RANBP10: variants seen among roughly 807,000 people sequenced by gnomAD.
RANBP10 encodes the protein RAN binding protein 10.
In RANBP10, 24 loss-of-function variants were observed where a neutral mutation model predicts 72.8. The ratio of observed to expected loss-of-function variants is 0.33; its 90% CI spans 0.24 to 0.46. The LOEUF (loss-of-function observed/expected upper bound fraction) is 0.46. Ranked by LOEUF, RANBP10 falls within the 20% of genes least tolerant of loss-of-function variation. The pLI, the probability that RANBP10 is intolerant of heterozygous loss-of-function variation, is 1.00. For missense variants in RANBP10, 679 were observed against 817.5 expected (o/e 0.83, Z 2.07); for synonymous variants, 310 against 322.3 (o/e 0.96, Z 0.41).
intron 3 of RANBP10, among the ~76,000 whole-genome samples, chr16:67,765,325 G>A (rs1044505249): frequency 1.3e-5 from 2 of 151,476 alleles, no homozygotes; most frequent in Non-Finnish European, 2.9e-5. Flanking sequence ...CTGGGAGTTC[G>A]AGACCAGCCT....
chr16:67,729,771 G>C lies in RANBP10; in HGVS notation c.1056C>G (p.Ser352Arg). The change falls in exon 9 of 14, where the codon AGC becomes AGG. Residue 352 changes from serine (S) to arginine (R), a missense_variant. Transcript: ENST00000317506. This position sits in a 1 kb window ranked among gnomAD's most constrained non-coding sequence, Gnocchi z 7.1. Reference protein sequence around the residue: ...NGTDSEVRSLSSRSPKSQDSY... With the variant: ...NGTDSEVRSLRSRSPKSQDSY... ...TGTCCTGGGACTTGGGGCTTCGGGAGCTCAAACTTCGGACCTCACTGTCCG... is the reference window on the plus strand; with the variant it reads ...TGTCCTGGGACTTGGGGCTTCGGGACCTCAAACTTCGGACCTCACTGTCCG... 1 of 1,614,140 alleles carries C rather than the reference G, an allele frequency of 6.2e-7. No individual in the cohort carries two copies. The highest frequency in any genetic ancestry group is 8.5e-7 in the Non-Finnish European group (1 of 1,180,026).
chr16:67,750,472 C>T (rs2054172315), intron 3 of RANBP10, among the ~76,000 whole-genome samples: 1 of 152,234 alleles, frequency 6.6e-6, no homozygotes, highest in Non-Finnish European at 1.5e-5. Context: ...TCACCAGTCA[C>T]TGTTCCCGGG....
At chr16:67,748,744 G>C (rs1488337961) in intron 3 of RANBP10, among the ~76,000 whole-genome samples, 3 of 152,186 alleles carry the variant, frequency 2.0e-5, no homozygotes, top group Admixed American at 6.5e-5. Flanking sequence ...GGGCAGGAGT[G>C]GTGGAGCTGC....
intron 4 of RANBP10, among the ~76,000 whole-genome samples, chr16:67,739,493 C>A (rs2053924281): frequency 6.6e-6 from 1 of 152,146 alleles, no homozygotes; most frequent in Non-Finnish European, 1.5e-5. Context: ...TATCTCCAGT[C>A]CATACGCAGT....
At chr16:67,747,897 G>A (rs1174545389) in intron 3 of RANBP10, among the ~76,000 whole-genome samples, 4 of 147,442 alleles carry the variant, frequency 2.7e-5, no homozygotes, top group African/African-American at 5.0e-5. Flanking sequence ...CTCGGCTCAC[G>A]GCAAGCTCCG....
intron 2 of RANBP10, among the ~76,000 whole-genome samples, chr16:67,798,200 A>C (rs1381737317): frequency 6.6e-6 from 1 of 152,058 alleles, no homozygotes; most frequent in African/African-American, 2.4e-5. Context: ...GGGGGGCAGT[A>C]AGGGAAAATG....
chr16:67,729,998 G>T lies in RANBP10; in HGVS notation c.938C>A (p.Thr313Asn). 1 of 1,613,616 alleles carries T rather than the reference G, an allele frequency of 6.2e-7. No individual in the cohort carries two copies. Among genetic ancestry groups the T allele is most frequent in the Non-Finnish European group, 8.5e-7 (1 of 1,180,036 alleles). Residue 313 changes from threonine to asparagine, a missense_variant, in exon 8 of 14, where the codon ACC (threonine) becomes AAC (asparagine). Physicochemically the swap from Thr to Asn is moderately conservative, Grantham distance 65. Coordinates refer to ENST00000317506, the MANE Select transcript of RANBP10 (RefSeq NM_020850.3). This position sits in a 1 kb window ranked among gnomAD's most constrained non-coding sequence, Gnocchi z 7.1. The stretch of plus-strand genomic sequence containing the variant: ...CAGCCCTGGGTAGAAGCGCTGGGTG[G>T]TCTCGATGGCCTCGCCCACACGGCC... ...LEGRVGEAIE[T>N]TQRFYPGLLE...
intron 3 of RANBP10, among the ~76,000 whole-genome samples, chr16:67,745,083 G>A (rs998620430): frequency 1.1e-4 from 16 of 151,930 alleles, no homozygotes; most frequent in Non-Finnish European, 1.6e-4. Context: ...GCCCGCCTCA[G>A]CCTCCCAAAG....
intron 3 of RANBP10, among the ~76,000 whole-genome samples, chr16:67,750,568 T>A (rs2054174406): frequency 6.6e-6 from 1 of 152,272 alleles, no homozygotes; most frequent in East Asian, 1.9e-4. Context: ...GTGCCCAGCA[T>A]GTCAGGAGTC....
rs1299781095 is a variant in RANBP10 at position 67,725,425 on chromosome 16, G to A, written c.*1003C>T. On this transcript the variant is annotated 3_prime_UTR_variant, in exon 14 of 14. Transcript: ENST00000317506. The stretch of plus-strand genomic sequence containing the variant: ...TGGGAATGGAGTCTTCTTTCCAGCA[G>A]CCTGACACACAGAAGCTCTCAGGAC... 6 of 152,660 alleles carry A rather than the reference G, an allele frequency of 3.9e-5. No individual in the cohort carries two copies. In the East Asian group the frequency reaches 1.2e-3, roughly 29 times the overall value. The allele number at this position is 152,660 out of a possible 1,614,324, so 9.5% of individuals were successfully genotyped here. A position where few individuals can be genotyped will look rare whatever the true frequency, so the allele number is the denominator to read the frequency against.
chr16:67,727,346 G>A lies in RANBP10; in HGVS notation c.1713C>T (p.Ala571=). 6.2e-7 allele frequency: 1 copy of A among 1,613,116 alleles called. No individual in the cohort carries two copies. Among genetic ancestry groups the A allele is most frequent in the South Asian group, 1.1e-5 (1 of 91,040 alleles). ...ACTCACCTAAAATGGCGCTGTTGAG[G>A]GCAGCACACACAGGTTCCCTCTGGA... ...DPIQREPVCA[A]LNSAILESQN... Residue 571 remains alanine, a synonymous_variant, in exon 13 of 14, where the codon GCC becomes GCT. Coordinates refer to ENST00000317506, the MANE Select transcript of RANBP10 (RefSeq NM_020850.3).
In RANBP10 at chr16:67,770,797, G is replaced by T. The variant is rs2054594131; in HGVS notation, c.400+1237C>A. On this transcript the variant is annotated intron_variant, in intron 3 of 13. Coordinates refer to ENST00000317506, the MANE Select transcript of RANBP10 (RefSeq NM_020850.3). ...TAGCACATGCCTATAAATTAGCCAG[G>T]TGTGGTAGCACATGCCTATAATCCC... 8.5e-5 allele frequency among the ~76,000 whole-genome samples: 13 copies of T among 152,278 alleles called. No individual in the cohort carries two copies. The South Asian group carries it at 2.7e-3, about 32-fold the overall frequency.
At position 67,725,800 on chromosome 16, in the gene RANBP10, T is replaced by C. The variant is rs1359331450; in HGVS notation, c.*628A>G. On this transcript the variant is annotated 3_prime_UTR_variant, in exon 14 of 14. Transcript: ENST00000317506. ...GTTTCCTAGGCTGCAGCTCGGCCTG[T>C]GACTCAAAAAAGGGGGAGCAAAAAA... The C allele has an allele frequency of 6.6e-6, 1 of 152,382 alleles. No homozygotes were observed. Among genetic ancestry groups the C allele is most frequent in the Admixed American group, 6.6e-5 (1 of 15,260 alleles). The allele number at this position is 152,382 out of a possible 1,614,324, so 9.4% of individuals were successfully genotyped here.
intron 2 of RANBP10, among the ~76,000 whole-genome samples, chr16:67,781,781 G>A (rs2054816214): frequency 1.3e-5 from 2 of 152,194 alleles, no homozygotes; most frequent in African/African-American, 4.8e-5. Flanking sequence ...TAGCTCAAGA[G>A]AGAAGAGGGC....
rs145949544 is a variant in RANBP10 at position 67,727,815 on chromosome 16, T to C, written c.1556A>G (p.Gln519Arg). ...ERIILFGRELQALSEQLGREY... is the reference protein window; with the variant it reads ...ERIILFGRELRALSEQLGREY... The stretch of plus-strand genomic sequence containing the variant: ...CCGGCCCAACTGCTCACTCAATGCC[T>C]GCAACTCGCGGCCAAACAGAATGAT... Residue 519 changes from glutamine (Q) to arginine (R), a missense_variant, in exon 12 of 14, where the codon CAG (glutamine) becomes CGG (arginine). Gln to Arg is a conservative substitution (Grantham distance 43). Transcript: ENST00000317506. The C allele has an allele frequency of 1.2e-6, 2 of 1,614,194 alleles. No homozygotes were observed. The highest frequency in any genetic ancestry group is 1.7e-6 in the Non-Finnish European group (2 of 1,180,046).
Position 67,786,626 on chromosome 16 carries a change from G to C in RANBP10, c.348-14540C>G, listed in dbSNP as rs577514457. Among the ~76,000 whole-genome samples the C allele has an allele frequency of 6.3e-3, 957 of 152,196 alleles. 14 individuals are homozygous for C. Among genetic ancestry groups the C allele is most frequent in the African/African-American group, 0.022 (913 of 41,524 alleles). ...GAGTTACCACTTCATACCTAGAATAGCTATAATTTAAAAGTTCCAGGTCAA... is the reference window on the plus strand; with the variant it reads ...GAGTTACCACTTCATACCTAGAATACCTATAATTTAAAAGTTCCAGGTCAA... On this transcript the variant is annotated intron_variant, in intron 2 of 13. Transcript: ENST00000317506.
chr16:67,798,300 G>A (rs1349173983), intron 2 of RANBP10, among the ~76,000 whole-genome samples: 2 of 152,172 alleles, frequency 1.3e-5, no homozygotes, highest in Non-Finnish European at 2.9e-5. Context: ...GATGACATAT[G>A]AGCACCAAAG....
At chr16:67,728,648 G>T in intron 10 of RANBP10, 137 bp from the exon 11 acceptor site, 1 of 1,494,896 alleles carries the variant, frequency 6.7e-7, no homozygotes, top group Non-Finnish European at 9.0e-7. Context: ...GACAGCTCAG[G>T]CTTCCAAGTC....
chr16:67,792,198 G>C (rs1027112324), intron 2 of RANBP10, among the ~76,000 whole-genome samples: 1 of 152,108 alleles, frequency 6.6e-6, no homozygotes, highest in African/African-American at 2.4e-5. Flanking sequence ...ATTCTGTGTA[G>C]ATTTGCTACT....
Sources: allele counts gnomAD v4.1 joint callset (sites outside exome capture counted in the v4.1 genomes callset), GRCh38; gene constraint gnomAD v4.1.1; non-coding constraint Gnocchi (gnomAD v3.1); transcripts MANE v1.5; gene names NCBI Gene and HGNC (gene_info 2026-07-23, HGNC 2026-07-21).